Variants in TOX2 observed in about 807,000 individuals in gnomAD.
TOX2 encodes the protein granulosa cell HMG box 1.
Under a neutral mutation model 47.4 loss-of-function variants are expected in TOX2, and 15 were observed. The ratio of observed to expected loss-of-function variants is 0.32; its 90% confidence interval spans 0.21 to 0.49. TOX2 has a LOEUF of 0.49. Ranked by LOEUF, TOX2 falls within the 20% of genes least tolerant of loss-of-function variation. The pLI, the probability that TOX2 is intolerant of heterozygous loss-of-function variation, is 0.99. For synonymous variants in TOX2, 290 were observed against 296.6 expected (o/e 0.98, Z 0.23); for missense variants, 622 against 673.1 (o/e 0.92, Z 0.84).
At position 43,915,032 on chromosome 20, in the gene TOX2, A is replaced by C; in HGVS notation, c.99+42A>C. The C allele has an allele frequency of 8.5e-7, 1 of 1,183,068 alleles. No homozygotes were observed. The highest frequency in any genetic ancestry group is 1.1e-6 in the Non-Finnish European group (1 of 946,416). The allele number at this position is 1,183,068 out of a possible 1,614,324, so 73.3% of individuals were successfully genotyped here. ...GGGGGTCCCCGGCGGGCGGGGCCGGAGTCACCTGGCAGCTCGGGACTCAGG... is the reference window on the plus strand; with the variant it reads ...GGGGGTCCCCGGCGGGCGGGGCCGGCGTCACCTGGCAGCTCGGGACTCAGG... On this transcript the variant is annotated intron_variant, in intron 1 of 8. Transcript: ENST00000341197. This position sits in a 1 kb window ranked among gnomAD's most constrained non-coding sequence, Gnocchi z 7.1.
At chr20:43,937,731 G>A (rs548298016) in intron 1 of TOX2, among the ~76,000 whole-genome samples, 9 of 152,236 alleles carry the variant, frequency 5.9e-5, no homozygotes, top group African/African-American at 1.9e-4. Flanking sequence ...TCCTGGGGGC[G>A]ACCGCAGCAT....
chr20:44,023,866 A>G (rs2071017252), intron 3 of TOX2, among the ~76,000 whole-genome samples: 1 of 152,232 alleles, frequency 6.6e-6, no homozygotes, highest in Non-Finnish European at 1.5e-5. Flanking sequence ...CTGCAGGGAA[A>G]CTTAACAAAT....
intron 1 of TOX2, chr20:43,945,693 G>A (rs768085696): frequency 2.0e-5 from 11 of 549,944 alleles, no homozygotes; most frequent in Admixed American, 6.5e-5. Flanking sequence ...GAGACCTGGC[G>A]TGGAGACCGC....
At chr20:43,998,066 A>G (rs2145573883) in intron 2 of TOX2, among the ~76,000 whole-genome samples, 1 of 152,330 alleles carries the variant, frequency 6.6e-6, no homozygotes, top group African/African-American at 2.4e-5. Flanking sequence ...GGGAGGCCTC[A>G]GGAAACTTAC....
intron 3 of TOX2, among the ~76,000 whole-genome samples, chr20:44,014,223 G>A (rs571095558): frequency 1.1e-4 from 17 of 151,468 alleles, no homozygotes; most frequent in Non-Finnish European, 2.1e-4. Context: ...ATGGACACAG[G>A]GTGCAAGAGA....
intron 5 of TOX2, among the ~76,000 whole-genome samples, chr20:44,055,622 G>A (rs2071603439): frequency 6.6e-6 from 1 of 152,160 alleles, no homozygotes; most frequent in African/African-American, 2.4e-5. Context: ...AACCAGTGAA[G>A]AGTTTTATGT....
chr20:44,054,381 A>G lies in TOX2; in HGVS notation c.734A>G (p.Glu245Gly), dbSNP rs1427596236. ...PKKKKKKDPN[E>G]PQKPVSAYAL... is the part of the protein sequence containing the mutation. ...AAGAAGAAAAAGAAGGACCCCAATG[A>G]GCCGCAGAAGCCTGTGTCGGCCTAC... is the stretch of plus-strand genomic sequence containing the variant. The change falls in exon 5 of 9, where the codon GAG (glutamate) becomes GGG (glycine). Residue 245 changes from glutamate (E) to glycine (G), a missense_variant. By Grantham distance (98) the Glu-to-Gly change is moderately conservative (BLOSUM62 -2). This residue lies in a region of TOX2 where 307 missense variants were observed against 327.3 expected (regional missense o/e 0.94). Coordinates refer to ENST00000341197, the MANE Select transcript of TOX2 (RefSeq NM_001098797.2). 1 of 1,611,712 alleles carries G rather than the reference A, an allele frequency of 6.2e-7. No homozygotes were observed. Among genetic ancestry groups the G allele is most frequent in the African/African-American group, 1.3e-5 (1 of 74,650 alleles).
At chr20:43,986,285 A>ATGTATGTATGTATGTGTGTG (rs1555836350) in intron 2 of TOX2, among the ~76,000 whole-genome samples, 9 of 151,510 alleles carry the variant, frequency 5.9e-5, no homozygotes, top group South Asian at 4.2e-4. Flanking sequence ...GTATGTATGT[A>ATGTATGTATGTATGTGTGTG]TGTGTGTATT....
At chr20:43,917,175 G>A (rs537844940) in intron 1 of TOX2, among the ~76,000 whole-genome samples, 37 of 152,292 alleles carry the variant, frequency 2.4e-4, no homozygotes, top group African/African-American at 8.7e-4. Flanking sequence ...AGGGTGAGGC[G>A]GGAGGGGAGA....
chr20:44,050,907 G>A (rs1005005549), intron 3 of TOX2, among the ~76,000 whole-genome samples: 1 of 152,216 alleles, frequency 6.6e-6, no homozygotes, highest in Admixed American at 6.5e-5. Flanking sequence ...AATGTAGTTA[G>A]CGTCGTCCAG....
At chr20:43,933,223 A>T (rs1315011401) in intron 1 of TOX2, among the ~76,000 whole-genome samples, 1 of 152,222 alleles carries the variant, frequency 6.6e-6, no homozygotes, top group Non-Finnish European at 1.5e-5. Context: ...GGATTTCAAC[A>T]TGTGAACTTT....
chr20:44,007,626 A>G (rs2070710903), intron 3 of TOX2: 1 of 152,394 alleles, frequency 6.6e-6, no homozygotes. Context: ...CAGGAGGATC[A>G]CTTGAGTCTA....
At chr20:43,974,721 T>C (rs879646689) in intron 2 of TOX2, among the ~76,000 whole-genome samples, 2 of 152,224 alleles carry the variant, frequency 1.3e-5, no homozygotes, top group Non-Finnish European at 2.9e-5. Flanking sequence ...ATGGAGGCCA[T>C]AGATGAGTAA....
chr20:44,051,984 A>T (rs1446221589), intron 4 of TOX2, among the ~76,000 whole-genome samples: 1 of 152,206 alleles, frequency 6.6e-6, no homozygotes, highest in Non-Finnish European at 1.5e-5. Context: ...GTTGGCAAAG[A>T]CTGACTCCTG....
At chr20:43,956,809 C>T (rs577426092) in intron 1 of TOX2, among the ~76,000 whole-genome samples, 1 of 152,264 alleles carries the variant, frequency 6.6e-6, no homozygotes, top group African/African-American at 2.4e-5. Context: ...ATGTGCATTT[C>T]CCCACTTGCC....
intron 1 of TOX2, among the ~76,000 whole-genome samples, chr20:43,960,752 A>G (rs1213452719): frequency 6.6e-6 from 1 of 152,140 alleles, no homozygotes; most frequent in African/African-American, 2.4e-5. Flanking sequence ...TGGGTTCTCT[A>G]CCACTCCTGT....
chr20:44,017,490 C>T (rs2070900370), intron 3 of TOX2, among the ~76,000 whole-genome samples: 1 of 152,180 alleles, frequency 6.6e-6, no homozygotes, highest in South Asian at 2.1e-4. Context: ...TGGAGCATCC[C>T]CAAGAACATC....
chr20:44,043,299 T>C (rs537371293), intron 3 of TOX2, among the ~76,000 whole-genome samples: 40 of 152,256 alleles, frequency 2.6e-4, no homozygotes, highest in African/African-American at 9.4e-4. Flanking sequence ...GAAGAGCCCA[T>C]ATTGTTGTTG....
chr20:43,972,805 T>C (rs2069999226), intron 1 of TOX2, among the ~76,000 whole-genome samples: 1 of 152,240 alleles, frequency 6.6e-6, no homozygotes, highest in South Asian at 2.1e-4. Flanking sequence ...ATATAGTTCC[T>C]GTACATGGTC....
Sources: gnomAD v4.1 joint callset for allele counts (sites outside exome capture counted in the v4.1 genomes callset) on GRCh38, gnomAD v4.1.1 for gene constraint, gnomAD v4.1.1 regional missense constraint, Gnocchi (gnomAD v3.1) non-coding constraint, MANE v1.5 for transcripts, NCBI Gene and HGNC (gene_info 2026-07-23, HGNC 2026-07-21) for gene names.